FAAH2: variants seen among roughly 807,000 people sequenced by gnomAD.
FAAH2 encodes the protein fatty-acid amide hydrolase 2.
Under a neutral mutation model 36.9 loss-of-function variants are expected in FAAH2, and 60 were observed. The observed-to-expected ratio is 1.63, with a 90% CI of 1.32 to 2.02. The LOEUF (loss-of-function observed/expected upper bound fraction) is 2.02, where lower values mean the gene tolerates loss of function less well. FAAH2 is among the 30% of genes most tolerant of loss of function. The pLI, the probability that FAAH2 is intolerant of heterozygous loss-of-function variation, is 0.00. For missense variants in FAAH2, 689 were observed against 397.5 expected, an observed-to-expected ratio of 1.73 and a Z score of -6.23; for synonymous variants, 214 against 143.8, an observed-to-expected ratio of 1.49 and a Z score of -3.49.
chrX:57,222,784 T>C, the FAAH2 span, among the ~76,000 whole-genome samples: 455 of 111,757 alleles, frequency 4.1e-3, 2 homozygotes, highest in African/African-American at 0.014. Flanking sequence ...GTGTAAACAC[T>C]GTTCAAACCT....
intron 1 of FAAH2, among the ~76,000 whole-genome samples, chrX:57,289,833 AAG>A (rs992221075): frequency 2.7e-5 from 3 of 110,482 alleles, no homozygotes; most frequent in African/African-American, 9.9e-5. Flanking sequence ...GAGAGAGCTG[AAG>A]AGAGGGGAGA....
the FAAH2 span, among the ~76,000 whole-genome samples, chrX:57,168,742 A>T: frequency 8.9e-6 from 1 of 111,882 alleles, no homozygotes; most frequent in Non-Finnish European, 1.9e-5. Context: ...GGCTCCACTC[A>T]TCTTCAAAGG....
the FAAH2 span, among the ~76,000 whole-genome samples, chrX:57,258,698 T>A: frequency 2.0e-5 from 2 of 98,851 alleles, no homozygotes; most frequent in East Asian, 6.2e-4. Flanking sequence ...ATAAAAAGGT[T>A]TTTTTGTTGC....
chrX:57,403,396 G>GA (rs751661449), intron 7 of FAAH2, among the ~76,000 whole-genome samples: 1 of 112,705 alleles, frequency 8.9e-6, no homozygotes, highest in South Asian at 3.6e-4. Context: ...AAAGAAAGGG[G>GA]TCTGGGCTGC....
At chrX:57,363,249 G>T (rs941099667) in intron 5 of FAAH2, among the ~76,000 whole-genome samples, 8 of 111,471 alleles carry the variant, frequency 7.2e-5, no homozygotes, top group Non-Finnish European at 1.3e-4. Context: ...ATTTATTTTA[G>T]CAGAGTTTTA....
chrX:57,312,471 G>C lies in FAAH2; in HGVS notation c.412+1742G>C. ...GTGGATCACCTGAAGTCAGGAGTTTGAGACCAGCCTGGCCAACATGATGAA... is the reference window on the plus strand; with the variant it reads ...GTGGATCACCTGAAGTCAGGAGTTTCAGACCAGCCTGGCCAACATGATGAA... On this transcript the variant is annotated intron_variant, in intron 3 of 10. Transcript: ENST00000374900. Among the ~76,000 whole-genome samples the C allele has an allele frequency of 1.8e-5, 2 of 111,091 alleles. 1 individual carries two copies. Among genetic ancestry groups the C allele is most frequent in the Middle Eastern group, 9.3e-3 (2 of 215 alleles).
chrX:57,378,230 G>A (rs1477049071), intron 5 of FAAH2, among the ~76,000 whole-genome samples: 1 of 111,897 alleles, frequency 8.9e-6, no homozygotes, highest in East Asian at 2.8e-4. Flanking sequence ...TTCTGTTTAG[G>A]TATCAGGTTG....
chrX:57,263,751 A>G, the FAAH2 span, among the ~76,000 whole-genome samples: 1 of 111,852 alleles, frequency 8.9e-6, no homozygotes, highest in Non-Finnish European at 1.9e-5. Flanking sequence ...TCTGGAAAAA[A>G]GAAAAGAAGA....
At chrX:57,410,215 G>A (rs1171478303) in intron 7 of FAAH2, among the ~76,000 whole-genome samples, 1 of 110,940 alleles carries the variant, frequency 9.0e-6, no homozygotes, top group Admixed American at 9.6e-5. Context: ...TAACATTGTG[G>A]CTGAAATGAT....
intron 3 of FAAH2, among the ~76,000 whole-genome samples, chrX:57,319,889 T>C (rs2052965070): frequency 8.9e-6 from 1 of 111,759 alleles, no homozygotes; most frequent in Non-Finnish European, 1.9e-5. Flanking sequence ...AATCTGATCT[T>C]TGACAAACCT....
the FAAH2 span, among the ~76,000 whole-genome samples, chrX:57,238,257 C>A: frequency 1.8e-5 from 2 of 111,882 alleles, no homozygotes; most frequent in African/African-American, 3.2e-5. Context: ...AAATGTCCAT[C>A]AATGGTAGAA....
Position 57,420,537 on chromosome X carries a change from A to G in FAAH2, c.997-11381A>G, listed in dbSNP as rs772359834. ...CTCTCTGTTTGTCTGTTATTGGTGT[A>G]TAAGAATGCTTGTGATTTTTGTACA... On this transcript the variant is annotated intron_variant, in intron 7 of 10. Coordinates refer to ENST00000374900, the MANE Select transcript of FAAH2 (RefSeq NM_174912.4). Among the ~76,000 whole-genome samples, 179 of 110,940 alleles carry G rather than the reference A, an allele frequency of 1.6e-3. 2 individuals are homozygous for G. The South Asian group carries it at 0.047, about 29-fold the overall frequency.
At chrX:57,433,902 C>T (rs374806540) in intron 8 of FAAH2, among the ~76,000 whole-genome samples, 1 of 111,161 alleles carries the variant, frequency 9.0e-6, no homozygotes, top group Non-Finnish European at 1.9e-5. Flanking sequence ...ATCCCCTATT[C>T]CCCTGGTTGC....
chrX:57,240,569 C>T, the FAAH2 span, among the ~76,000 whole-genome samples: 7 of 111,471 alleles, frequency 6.3e-5, no homozygotes, highest in Non-Finnish European at 1.1e-4. Context: ...TTGACATGGT[C>T]GGGTCTGCAA....
chrX:57,396,390 T>C (rs1233295428), intron 7 of FAAH2, among the ~76,000 whole-genome samples: 2 of 108,966 alleles, frequency 1.8e-5, no homozygotes, highest in Non-Finnish European at 3.8e-5. Flanking sequence ...TTTTTTTTTT[T>C]TCTTGTTTTT....
the FAAH2 span, among the ~76,000 whole-genome samples, chrX:57,187,861 C>T: frequency 9.0e-6 from 1 of 111,429 alleles, no homozygotes; most frequent in Non-Finnish European, 1.9e-5. Flanking sequence ...TGATTGATTA[C>T]GTTTATCTAT....
chrX:57,292,956 A>G (rs1397894400), intron 2 of FAAH2, among the ~76,000 whole-genome samples: 1 of 111,934 alleles, frequency 8.9e-6, no homozygotes. Flanking sequence ...TTGAATGTGT[A>G]TTTAGCATAG....
At chrX:57,216,585 TATGTATATATATGTATATATATAC>T in the FAAH2 span, among the ~76,000 whole-genome samples, 1 of 30,110 alleles carries the variant, frequency 3.3e-5, no homozygotes, top group Admixed American at 4.3e-4. Flanking sequence ...TATATATGTA[TATGTATATATATGTATATATATAC>T]GTATATATAT....
chrX:57,204,760 G>A, the FAAH2 span, among the ~76,000 whole-genome samples: 1 of 112,374 alleles, frequency 8.9e-6, no homozygotes. Context: ...AGTCAATAAT[G>A]CTAGATTCAA....
Sources: gnomAD v4.1 joint callset for allele counts (sites outside exome capture counted in the v4.1 genomes callset) on GRCh38, gnomAD v4.1.1 for gene constraint, MANE v1.5 for transcripts, NCBI Gene and HGNC (gene_info 2026-07-23, HGNC 2026-07-21) for gene names.